RGS7: variants seen among roughly 807,000 people sequenced by gnomAD.
The protein encoded by RGS7 is regulator of G protein signaling 7.
RGS7 carries 27 observed loss-of-function variants against 81.1 expected under a neutral mutation model. That is an observed-to-expected ratio of 0.33 (90% CI 0.25 to 0.46). RGS7 has a LOEUF of 0.46. Among genes scored for constraint, RGS7 ranks in the 20% least tolerant of loss-of-function variants. RGS7 has a pLI of 1.00. For missense variants in RGS7, 396 were observed against 607.4 expected, an observed-to-expected ratio of 0.65 and a Z score of 3.66; for synonymous variants, 208 against 207.7, an observed-to-expected ratio of 1.00 and a Z score of -0.01.
chr1:240,949,383 C>T (rs116542104), intron 4 of RGS7, among the ~76,000 whole-genome samples: 3,627 of 152,230 alleles, frequency 0.024, 89 homozygotes, highest in African/African-American at 0.054. Flanking sequence ...CTGCTATCCA[C>T]TCATCCACCA....
At chr1:241,340,505 G>T (rs538889563) in intron 2 of RGS7, among the ~76,000 whole-genome samples, 1 of 152,224 alleles carries the variant, frequency 6.6e-6, no homozygotes, top group South Asian at 2.1e-4. Context: ...GATATGGGTA[G>T]CTTGCCCCAT....
chr1:241,164,896 C>T lies in RGS7; in HGVS notation c.79-66134G>A, dbSNP rs535162445. Among the ~76,000 whole-genome samples the T allele has an allele frequency of 1.3e-5, 2 of 152,300 alleles. No homozygotes were observed. The highest frequency in any genetic ancestry group is 4.1e-4 in the South Asian group (2 of 4,826). Reference sequence around the variant, plus strand: ...TAGGTCTTATATAATCTGAACATCACAAGAGAACTCAAATGACTATAACCA... The same window carrying T: ...TAGGTCTTATATAATCTGAACATCATAAGAGAACTCAAATGACTATAACCA... On this transcript the variant is annotated intron_variant, in intron 2 of 18. Coordinates refer to ENST00000440928, the MANE Select transcript of RGS7 (RefSeq NM_001364886.1). The surrounding 1 kb of genome is among the most constrained non-coding windows in gnomAD (Gnocchi z 4.1).
At chr1:241,027,586 G>A (rs1407530422) in intron 3 of RGS7, among the ~76,000 whole-genome samples, 1 of 151,710 alleles carries the variant, frequency 6.6e-6, no homozygotes, top group East Asian at 1.9e-4. Context: ...TGATGAAAAG[G>A]GAGATGAGAA....
intron 3 of RGS7, among the ~76,000 whole-genome samples, chr1:241,081,392 A>C (rs572202546): frequency 6.6e-6 from 1 of 152,344 alleles, no homozygotes; most frequent in South Asian, 2.1e-4. Flanking sequence ...AAACTTCCAG[A>C]AAGTTGTTTG....
intron 2 of RGS7, among the ~76,000 whole-genome samples, chr1:241,238,360 C>G (rs1161078910): frequency 2.6e-5 from 4 of 152,150 alleles, no homozygotes; most frequent in Non-Finnish European, 5.9e-5. Context: ...ATGACTTGGC[C>G]TTGCTTGCAA....
chr1:240,793,065 G>T (rs562319692), intron 18 of RGS7, among the ~76,000 whole-genome samples: 31 of 152,238 alleles, frequency 2.0e-4, no homozygotes, highest in Admixed American at 1.4e-3. Flanking sequence ...TTTGGGAAAT[G>T]CTGTAGAAAC....
intron 2 of RGS7, among the ~76,000 whole-genome samples, chr1:241,196,632 G>A (rs961354389): frequency 6.6e-6 from 1 of 151,982 alleles, no homozygotes; most frequent in Non-Finnish European, 1.5e-5. Flanking sequence ...ACAAAAATTT[G>A]GCGATGCAGA....
intron 6 of RGS7, among the ~76,000 whole-genome samples, chr1:240,894,600 CT>C (rs1447359000): frequency 2.0e-5 from 3 of 151,588 alleles, no homozygotes; most frequent in African/African-American, 7.3e-5. Flanking sequence ...TACAAAGCCT[CT>C]TTGGTTGTTT....
chr1:240,998,584 G>A (rs1484337723), intron 3 of RGS7: 11 of 831,448 alleles, frequency 1.3e-5, no homozygotes, highest in Non-Finnish European at 2.0e-5. Context: ...AGAGCCAGCT[G>A]CTGGACCAGG....
rs1380056839 is a variant in RGS7, at chr1:241,144,749, G to C, written c.79-45987C>G. ...GCCTGCAGCACAGCGCTACCAGCCA[G>C]CTAGCCAACCCCACAGCCGCCTGTT... On this transcript the variant is annotated intron_variant, in intron 2 of 18. Coordinates refer to ENST00000440928, the MANE Select transcript of RGS7 (RefSeq NM_001364886.1). The surrounding 1 kb of genome is among the most constrained non-coding windows in gnomAD (Gnocchi z 4.7). Among the ~76,000 whole-genome samples the C allele has an allele frequency of 1.3e-5, 2 of 152,208 alleles. No individual in the cohort carries two copies. The highest frequency in any genetic ancestry group is 3.8e-4 in the East Asian group (2 of 5,198).
At chr1:240,987,795 A>C (rs1056761563) in intron 3 of RGS7, among the ~76,000 whole-genome samples, 7 of 152,126 alleles carry the variant, frequency 4.6e-5, no homozygotes, top group African/African-American at 1.7e-4. Flanking sequence ...CTCCCAAAGC[A>C]CTGAGATTAC....
intron 2 of RGS7, among the ~76,000 whole-genome samples, chr1:241,297,088 T>G (rs1052500604): frequency 6.6e-6 from 1 of 152,178 alleles, no homozygotes; most frequent in Non-Finnish European, 1.5e-5. Flanking sequence ...TATATTTTAC[T>G]TATTTGTCTC....
At chr1:241,049,311 A>AC (rs1379156041) in intron 3 of RGS7, among the ~76,000 whole-genome samples, 1 of 152,142 alleles carries the variant, frequency 6.6e-6, no homozygotes, top group Non-Finnish European at 1.5e-5. Flanking sequence ...GTTATCTCAT[A>AC]CCCCTCTTTA....
chr1:240,796,544 G>A (rs932068496), intron 18 of RGS7, among the ~76,000 whole-genome samples: 2 of 152,052 alleles, frequency 1.3e-5, no homozygotes, highest in Non-Finnish European at 2.9e-5. Flanking sequence ...AAATTAGCCG[G>A]GAGTGTTGGC....
In RGS7 at chr1:241,097,445, G is replaced by A. The variant is rs186871261; in HGVS notation, c.175+1221C>T. 2.1e-4 allele frequency among the ~76,000 whole-genome samples: 32 copies of A among 152,072 alleles called. No individual in the cohort carries two copies. In the East Asian group the frequency reaches 5.8e-3, roughly 28 times the overall value. The stretch of plus-strand genomic sequence containing the variant: ...GACAGCAACACAGGTATCAAACCCC[G>A]ACACGGAGGCCGCTTCCCTATTATT... On this transcript the variant is annotated intron_variant, in intron 3 of 18. Coordinates refer to ENST00000440928, the MANE Select transcript of RGS7 (RefSeq NM_001364886.1).
chr1:241,249,401 T>A (rs1247046587), intron 2 of RGS7, among the ~76,000 whole-genome samples: 1 of 152,104 alleles, frequency 6.6e-6, no homozygotes. Flanking sequence ...ATATATGTCA[T>A]CTATTTCTAG....
intron 2 of RGS7, among the ~76,000 whole-genome samples, chr1:241,212,362 G>C (rs923093939): frequency 6.6e-6 from 1 of 152,118 alleles, no homozygotes; most frequent in Admixed American, 6.5e-5. Flanking sequence ...CACCTGAGAG[G>C]TGACACACGG....
Position 240,836,861 on chromosome 1 carries a change from G to T in RGS7, c.610-9689C>A, listed in dbSNP as rs1021538549. Among the ~76,000 whole-genome samples the T allele has an allele frequency of 4.6e-5, 7 of 152,170 alleles. 1 individual carries two copies. Among genetic ancestry groups the T allele is most frequent in the African/African-American group, 1.7e-4 (7 of 41,432 alleles). On this transcript the variant is annotated intron_variant, in intron 9 of 18. Coordinates refer to ENST00000440928, the MANE Select transcript of RGS7 (RefSeq NM_001364886.1). ...TGGTGGAGCTGTCTCTCATTACTCA[G>T]AGTCTCTGCTACACTTTCCTAAATT...
chr1:240,895,425 C>T (rs1395083105), intron 6 of RGS7, among the ~76,000 whole-genome samples: 1 of 148,612 alleles, frequency 6.7e-6, no homozygotes, highest in Non-Finnish European at 1.5e-5. Context: ...TCTCCTAATG[C>T]TATCCCTCCC....
Sources: allele counts gnomAD v4.1 joint callset (sites outside exome capture counted in the v4.1 genomes callset), GRCh38; gene constraint gnomAD v4.1.1; non-coding constraint Gnocchi (gnomAD v3.1); transcripts MANE v1.5; gene names NCBI Gene and HGNC (gene_info 2026-07-23, HGNC 2026-07-21).